SERINC3: variants seen among roughly 807,000 people sequenced by gnomAD.
The protein encoded by SERINC3 is serine incorporator 3, also known as tumor differentially expressed protein 1.
A neutral mutation model predicts 52.1 loss-of-function variants in SERINC3; 22 were observed. That is an observed-to-expected ratio of 0.42 (90% CI 0.30 to 0.60). The LOEUF (loss-of-function observed/expected upper bound fraction) is 0.60. Ranked by LOEUF, SERINC3 falls within the 20% of genes least tolerant of loss-of-function variation. The probability of loss-of-function intolerance (pLI) is 0.16; values close to 1 mark genes in which losing one functional copy is unlikely to be tolerated. For synonymous variants in SERINC3, 226 were observed against 212.7 expected (o/e 1.06, Z -0.54); for missense variants, 564 against 584.6 (o/e 0.96, Z 0.36).
intron 4 of SERINC3, 147 bp from the exon 5 acceptor site, chr20:44,510,175 G>C: frequency 1.4e-6 from 1 of 733,496 alleles, no homozygotes; most frequent in Non-Finnish European, 2.2e-6. Flanking sequence ...CAAACTCAAC[G>C]GCATTCTTAA....
chr20:44,521,159 G>T (rs1001168940), intron 1 of SERINC3, among the ~76,000 whole-genome samples: 19 of 152,186 alleles, frequency 1.2e-4, no homozygotes, highest in Non-Finnish European at 2.5e-4. Flanking sequence ...CTACACACTT[G>T]GTCAATTAAA....
intron 1 of SERINC3, among the ~76,000 whole-genome samples, chr20:44,514,793 AC>A (rs2064369830): frequency 6.6e-6 from 1 of 152,076 alleles, no homozygotes; most frequent in Non-Finnish European, 1.5e-5. Context: ...AAATAAAGCA[AC>A]ACTACATGGA....
Position 44,506,899 on chromosome 20 carries a change from G to A in SERINC3, c.711C>T (p.Asn237=), listed in dbSNP as rs778302835. The part of the protein sequence containing the change: ...YYTKPDGCTE[N]KFFISINLIL... ...TCAGGTTAATACTGATGAAGAACTT[G>A]TTTTCTGTGCAGCCATCTGGTTTGG... Residue 237 remains asparagine, a synonymous_variant, in exon 6 of 10, where the codon AAC becomes AAT. Transcript: ENST00000342374. 7 of 1,613,662 alleles carry A rather than the reference G, an allele frequency of 4.3e-6. No individual in the cohort carries two copies. In the Admixed American group the frequency reaches 1.0e-4, roughly 23 times the overall value.
chr20:44,518,541 T>C (rs374606544), intron 1 of SERINC3, among the ~76,000 whole-genome samples: 66 of 152,270 alleles, frequency 4.3e-4, no homozygotes, highest in African/African-American at 1.4e-3. Context: ...AGACCCACCA[T>C]ACCTGCATAA....
rs949370962 is a variant in SERINC3 at position 44,498,881 on chromosome 20, T to A, written c.*1415A>T. The stretch of plus-strand genomic sequence containing the variant: ...TTTCCCCATTCCAGCTTTACTGAAC[T>A]TTTTTTCCCCATCTTCCTGCCTTTA... On this transcript the variant is annotated 3_prime_UTR_variant, in exon 10 of 10. Coordinates refer to ENST00000342374, the MANE Select transcript of SERINC3 (RefSeq NM_006811.4). The A allele has an allele frequency of 6.6e-6, 1 of 152,170 alleles. No homozygotes were observed. Among genetic ancestry groups the A allele is most frequent in the African/African-American group, 2.4e-5 (1 of 41,426 alleles). The allele number at this position is 152,170 out of a possible 1,614,324, so 9.4% of individuals were successfully genotyped here.
chr20:44,517,729 T>A (rs1228828889), intron 1 of SERINC3, among the ~76,000 whole-genome samples: 1 of 152,210 alleles, frequency 6.6e-6, no homozygotes, highest in Non-Finnish European at 1.5e-5. Context: ...AGCCACTCGG[T>A]CTGTGGTACT....
intron 1 of SERINC3, chr20:44,519,512 T>C (rs560703431): frequency 1.1e-3 from 345 of 300,882 alleles, no homozygotes; most frequent in African/African-American, 7.4e-3. Flanking sequence ...ATCAACTATG[T>C]ACAATCTTTC....
At chr20:44,507,022 T>A (rs2064319337) in intron 5 of SERINC3, 26 bp from the exon 6 acceptor site, 1 of 1,529,744 alleles carries the variant, frequency 6.5e-7, no homozygotes, top group African/African-American at 1.4e-5. Flanking sequence ...CCAATATGAA[T>A]GACCACAACT....
chr20:44,501,462 A>G (rs992871656), intron 8 of SERINC3, among the ~76,000 whole-genome samples, 162 bp from the exon 9 acceptor site: 6 of 152,258 alleles, frequency 3.9e-5, no homozygotes, highest in African/African-American at 1.4e-4. Flanking sequence ...GCCTGTCATC[A>G]TAAGACTGAC....
intron 5 of SERINC3, among the ~76,000 whole-genome samples, chr20:44,508,281 C>T (rs2064327185): frequency 6.6e-6 from 1 of 151,892 alleles, no homozygotes; most frequent in Non-Finnish European, 1.5e-5. Flanking sequence ...TCCAGGAGTT[C>T]CGGCAACATG....
rs930129706 is a variant in SERINC3, at chr20:44,499,443, A to G, written c.*853T>C. On this transcript the variant is annotated 3_prime_UTR_variant, in exon 10 of 10. Transcript: ENST00000342374. ...ATCCAGAAAATAAAGAATGGCTGCT[A>G]ACTATAAAAGCTGTTGGAAGAAAGG... 26 of 152,392 alleles carry G rather than the reference A, an allele frequency of 1.7e-4. No individual in the cohort carries two copies. The highest frequency in any genetic ancestry group is 6.0e-4 in the African/African-American group (25 of 41,470). The allele number at this position is 152,392 out of a possible 1,614,324, so 9.4% of individuals were successfully genotyped here.
intron 8 of SERINC3, among the ~76,000 whole-genome samples, chr20:44,503,291 C>CCATAA: frequency 6.6e-6 from 1 of 152,154 alleles, no homozygotes; most frequent in South Asian, 2.1e-4. Context: ...TGCAAAGGAC[C>CCATAA]CATAACTGCC....
In SERINC3 at chr20:44,501,240, G is replaced by A. The variant is rs2064278082; in HGVS notation, c.1116C>T (p.Val372=). 3 of 1,614,048 alleles carry A rather than the reference G, an allele frequency of 1.9e-6. No homozygotes were observed. The East Asian group carries it at 6.7e-5, about 36-fold the overall frequency. Residue 372 remains valine, a synonymous_variant, in exon 9 of 10, where the codon GTC becomes GTT. Transcript: ENST00000342374. Reference sequence around the variant, plus strand: ...CACTGGTAGTTGTATCACCAAGGATGACGCTGTCACTCCCTGACAGGGTCA... The same window carrying A: ...CACTGGTAGTTGTATCACCAAGGATAACGCTGTCACTCCCTGACAGGGTCA... ...DKLTLSGSDS[V]ILGDTTTSGA... is the part of the protein sequence containing the mutation.
At chr20:44,519,061 A>G (rs1302123064) in intron 1 of SERINC3, among the ~76,000 whole-genome samples, 1 of 152,022 alleles carries the variant, frequency 6.6e-6, no homozygotes, top group Non-Finnish European at 1.5e-5. Flanking sequence ...TTGCATGCAT[A>G]AACTCTAAAT....
chr20:44,509,828 T>C, intron 5 of SERINC3, 63 bp downstream of exon 5: 2 of 1,558,926 alleles, frequency 1.3e-6, no homozygotes, highest in South Asian at 2.3e-5. Flanking sequence ...ATAATGATGA[T>C]TTTTATTGTA....
chr20:44,504,834 A>C lies in SERINC3; in HGVS notation c.841T>G (p.Tyr281Asp). ...TTGGACATGGCTGACCAGGTGAGGTACATAGTGTAGAGGGTGATGAGGGAG... is the reference window on the plus strand; with the variant it reads ...TTGGACATGGCTGACCAGGTGAGGTCCATAGTGTAGAGGGTGATGAGGGAG... Reference protein sequence around the residue: ...QSSLITLYTMYLTWSAMSNEP... With the variant: ...QSSLITLYTMDLTWSAMSNEP... The change falls in exon 7 of 10, where the codon TAC becomes GAC. Residue 281 changes from tyrosine (Y) to aspartate (D), a missense_variant. By Grantham distance (160) the Tyr-to-Asp change is radical (BLOSUM62 -3). Transcript: ENST00000342374. 1 of 1,613,030 alleles carries C rather than the reference A, an allele frequency of 6.2e-7. No individual in the cohort carries two copies. Among genetic ancestry groups the C allele is most frequent in the East Asian group, 2.2e-5 (1 of 44,880 alleles).
chr20:44,505,946 A>T (rs560327367), intron 6 of SERINC3, among the ~76,000 whole-genome samples: 16 of 152,210 alleles, frequency 1.1e-4, no homozygotes, highest in African/African-American at 3.9e-4. Flanking sequence ...TTGTTTTGAA[A>T]TATTAAAATC....
At chr20:44,518,641 C>T (rs1422886242) in intron 1 of SERINC3, among the ~76,000 whole-genome samples, 1 of 152,090 alleles carries the variant, frequency 6.6e-6, no homozygotes, top group African/African-American at 2.4e-5. Context: ...TCATAGAAGC[C>T]TTTCTCCCAG....
At chr20:44,518,811 A>C (rs562528629) in intron 1 of SERINC3, among the ~76,000 whole-genome samples, 1 of 152,190 alleles carries the variant, frequency 6.6e-6, no homozygotes, top group South Asian at 2.1e-4. Flanking sequence ...CTAAAAATAC[A>C]AAATTAGCCA....
Sources: allele counts gnomAD v4.1 joint callset (sites outside exome capture counted in the v4.1 genomes callset), GRCh38; gene constraint gnomAD v4.1.1; transcripts MANE v1.5; gene names NCBI Gene and HGNC (gene_info 2026-07-23, HGNC 2026-07-21).